The following PPM1L variants were observed in gnomAD, a reference collection of about 807,000 sequenced individuals.
The protein encoded by PPM1L is protein phosphatase, Mg2+/Mn2+ dependent 1L, also known as protein phosphatase 1L.
A neutral mutation model predicts 31.4 loss-of-function variants in PPM1L; 13 were observed. That is an observed-to-expected ratio of 0.41 (90% CI 0.27 to 0.66). The LOEUF is 0.66. Ranked by LOEUF, PPM1L falls within the 30% of genes least tolerant of loss-of-function variation. PPM1L has a pLI of 0.29. For missense variants in PPM1L, 326 were observed against 453.7 expected (o/e 0.72, Z 2.56); for synonymous variants, 184 against 175.4 (o/e 1.05, Z -0.39).
chr3:160,889,970 A>G (rs1244685993), intron 1 of PPM1L, among the ~76,000 whole-genome samples: 1 of 151,428 alleles, frequency 6.6e-6, no homozygotes, highest in Non-Finnish European at 1.5e-5. Flanking sequence ...TTAAAAACTC[A>G]AACTGGGTTT....
chr3:160,974,294 C>A (rs1344378092), intron 2 of PPM1L, among the ~76,000 whole-genome samples: 1 of 151,444 alleles, frequency 6.6e-6, no homozygotes, highest in Non-Finnish European at 1.5e-5. Flanking sequence ...GGGTTGGTTC[C>A]AAGTCTTTGC....
chr3:161,013,692 A>G (rs1423260692), intron 2 of PPM1L, among the ~76,000 whole-genome samples: 1 of 152,162 alleles, frequency 6.6e-6, no homozygotes, highest in Non-Finnish European at 1.5e-5. Context: ...GACTTGCTTT[A>G]TGAATCTGGG....
At chr3:160,972,648 T>C (rs924818767) in intron 2 of PPM1L, among the ~76,000 whole-genome samples, 11 of 152,244 alleles carry the variant, frequency 7.2e-5, no homozygotes, top group African/African-American at 2.7e-4. Flanking sequence ...TGAATAATGC[T>C]GCAATAAACA....
At chr3:160,804,916 C>T (rs1441988001) in intron 1 of PPM1L, among the ~76,000 whole-genome samples, 1 of 152,174 alleles carries the variant, frequency 6.6e-6, no homozygotes, top group Non-Finnish European at 1.5e-5. Context: ...TGCCTCCTTC[C>T]TCACGTTTGG....
intron 1 of PPM1L, among the ~76,000 whole-genome samples, chr3:160,836,189 A>G (rs996726240): frequency 6.6e-5 from 10 of 152,162 alleles, no homozygotes; most frequent in African/African-American, 2.4e-4. Flanking sequence ...AGAAGTAGGA[A>G]GCTGCTCTTG....
intron 1 of PPM1L, among the ~76,000 whole-genome samples, chr3:160,806,213 C>T (rs974693840): frequency 1.3e-5 from 2 of 152,154 alleles, no homozygotes; most frequent in Non-Finnish European, 2.9e-5. Flanking sequence ...AGCCTCTGGA[C>T]CTTTGCACAT....
At chr3:160,825,901 G>T (rs1224153919) in intron 1 of PPM1L, among the ~76,000 whole-genome samples, 1 of 152,118 alleles carries the variant, frequency 6.6e-6, no homozygotes, top group Non-Finnish European at 1.5e-5. Context: ...TATGAACAGG[G>T]ATCATTGTCC....
chr3:161,037,107 T>C (rs761602747), intron 2 of PPM1L, among the ~76,000 whole-genome samples: 1 of 152,192 alleles, frequency 6.6e-6, no homozygotes, highest in Non-Finnish European at 1.5e-5. Context: ...CTTCTCTCAT[T>C]GCGGTGGAAC....
intron 1 of PPM1L, among the ~76,000 whole-genome samples, chr3:160,906,668 A>G (rs948594379): frequency 1.3e-5 from 2 of 151,846 alleles, no homozygotes; most frequent in Non-Finnish European, 2.9e-5. Flanking sequence ...TTCTGACTCA[A>G]TAGCTCTGAT....
chr3:160,764,112 T>TTTTG (rs747071910), intron 1 of PPM1L, among the ~76,000 whole-genome samples: 223 of 152,196 alleles, frequency 1.5e-3, no homozygotes, highest in Middle Eastern at 3.4e-3. Context: ...TTGCTGGTCA[T>TTTTG]TTTGTTTGTT....
chr3:160,834,345 A>G (rs1190151408), intron 1 of PPM1L, among the ~76,000 whole-genome samples: 1 of 151,906 alleles, frequency 6.6e-6, no homozygotes, highest in Admixed American at 6.6e-5. Flanking sequence ...TTCTTTCCCC[A>G]TTGCTTGTTT....
At chr3:160,827,907 G>A (rs1026341787) in intron 1 of PPM1L, among the ~76,000 whole-genome samples, 2 of 152,072 alleles carry the variant, frequency 1.3e-5, no homozygotes, top group African/African-American at 4.8e-5. Flanking sequence ...TTTTACTCAA[G>A]GCAGAAGGTG....
intron 1 of PPM1L, among the ~76,000 whole-genome samples, chr3:160,808,759 T>C (rs907783234): frequency 6.6e-6 from 1 of 152,220 alleles, no homozygotes; most frequent in Non-Finnish European, 1.5e-5. Context: ...GTTAGTCTAG[T>C]GCACTCAGCT....
At chr3:160,765,681 G>A (rs1473651621) in intron 1 of PPM1L, among the ~76,000 whole-genome samples, 2 of 152,048 alleles carry the variant, frequency 1.3e-5, no homozygotes, top group South Asian at 2.1e-4. Flanking sequence ...AATTATAGTG[G>A]TATTAGCATA....
At chr3:161,061,037 C>T (rs987592531) in intron 2 of PPM1L, among the ~76,000 whole-genome samples, 3 of 151,394 alleles carry the variant, frequency 2.0e-5, no homozygotes, top group Admixed American at 2.0e-4. Flanking sequence ...TCTGGAGTTT[C>T]CCAGCAACAA....
intron 2 of PPM1L, among the ~76,000 whole-genome samples, chr3:161,039,485 A>C (rs1718843734): frequency 6.6e-6 from 1 of 152,130 alleles, no homozygotes; most frequent in African/African-American, 2.4e-5. Context: ...TTCCAGCCTC[A>C]CTTGGAATTT....
Position 160,850,546 on chromosome 3 carries a change from C to T in PPM1L, c.399+93839C>T, listed in dbSNP as rs12107270. Among the ~76,000 whole-genome samples the T allele has an allele frequency of 9.1e-3, 1,381 of 152,254 alleles. 27 individuals are homozygous for T. Among genetic ancestry groups the T allele is most frequent in the African/African-American group, 0.032 (1,315 of 41,550 alleles). ...TGGGGGTTGAGGCTGAAATCCCAAC[C>T]CTCTAATCACATGGCTGGTCCCTCT... On this transcript the variant is annotated intron_variant, in intron 1 of 3. Transcript: ENST00000498165.
rs142306117 is a variant in PPM1L at position 160,878,049 on chromosome 3, G to C, written c.400-83687G>C. Among the ~76,000 whole-genome samples, 696 of 152,248 alleles carry C rather than the reference G, an allele frequency of 4.6e-3. 6 individuals carry two copies. Among genetic ancestry groups the C allele is most frequent in the African/African-American group, 0.015 (640 of 41,540 alleles). On this transcript the variant is annotated intron_variant, in intron 1 of 3. Transcript: ENST00000498165. ...ATTTGGGGGTTGCTTTTCATTAAAA[G>C]GGAAACCTTATCGAGGACTTCCTTA...
intron 2 of PPM1L, among the ~76,000 whole-genome samples, chr3:161,062,780 G>A (rs1719612623): frequency 6.6e-6 from 1 of 152,132 alleles, no homozygotes; most frequent in Non-Finnish European, 1.5e-5. Context: ...CTGGGGAAGG[G>A]GCCTTTAACT....
Sources: gnomAD v4.1 joint callset for allele counts (sites outside exome capture counted in the v4.1 genomes callset) on GRCh38, gnomAD v4.1.1 for gene constraint, MANE v1.5 for transcripts, NCBI Gene and HGNC (gene_info 2026-07-23, HGNC 2026-07-21) for gene names.